TNKS1BP1: variants seen among roughly 807,000 people sequenced by gnomAD.
The protein encoded by TNKS1BP1 is CCR4-NOT transcription complex subunit 12.
Under a neutral mutation model 141.1 loss-of-function variants are expected in TNKS1BP1, and 48 were observed. That is an observed-to-expected ratio of 0.34 (90% CI 0.27 to 0.43). TNKS1BP1 has a LOEUF of 0.43. TNKS1BP1 is among the 20% of genes least tolerant of loss of function. The probability of loss-of-function intolerance (pLI) is 1.00; values close to 1 mark genes in which losing one functional copy is unlikely to be tolerated. For missense variants in TNKS1BP1, 2,149 were observed against 2,226.0 expected, an observed-to-expected ratio of 0.97 and a Z score of 0.70; for synonymous variants, 875 against 898.2, an observed-to-expected ratio of 0.97 and a Z score of 0.46.
chr11:57,322,827 C>A (rs1331278168), intron 1 of TNKS1BP1, among the ~76,000 whole-genome samples: 1 of 152,188 alleles, frequency 6.6e-6, no homozygotes, highest in East Asian at 1.9e-4. Context: ...GCAGCCACAG[C>A]CTATGTATGA....
In TNKS1BP1 at chr11:57,308,776, C is replaced by A. The variant is rs2134354700; in HGVS notation, c.3935G>T (p.Gly1312Val). The A allele has an allele frequency of 1.2e-6, 2 of 1,614,032 alleles. No individual in the cohort carries two copies. Among genetic ancestry groups the A allele is most frequent in the East Asian group, 4.5e-5 (2 of 44,886 alleles). The change falls in exon 6 of 12, where the codon GGT (glycine) becomes GTT (valine). Residue 1312 changes from glycine to valine, a missense_variant. Coordinates refer to ENST00000358252, the MANE Select transcript of TNKS1BP1 (RefSeq NM_033396.3). ...CAAATCCCTCAGGCCCAGATTGTTA[C>A]CCCAGTCCATCTGGCCCACCCCAAG... ...KELGVGQMDW[G>V]NNLGLRDLEV... is the part of the protein sequence containing the mutation.
intron 5 of TNKS1BP1, 71 bp downstream of exon 5, chr11:57,312,463 C>T (rs1416890710): frequency 1.4e-6 from 2 of 1,383,312 alleles, no homozygotes; most frequent in Non-Finnish European, 1.9e-6. Flanking sequence ...AATCCATGTT[C>T]AAAGAATGAA....
rs138859027 is a variant in TNKS1BP1, at chr11:57,310,264, C to G, written c.2447G>C (p.Gly816Ala). The G allele has an allele frequency of 1.7e-5, 27 of 1,614,104 alleles. No homozygotes were observed. In the African/African-American group the frequency reaches 3.5e-4, roughly 21 times the overall value. Residue 816 changes from glycine to alanine, a missense_variant, in exon 6 of 12, where the codon GGG becomes GCG. By Grantham distance (60) the Gly-to-Ala change is moderately conservative (BLOSUM62 0). Coordinates refer to ENST00000358252, the MANE Select transcript of TNKS1BP1 (RefSeq NM_033396.3). ...SQDQSKVSAP[G>A]VLTAQDRVVG... ...TACCCGGTCCTGGGCTGTGAGCACCCCTGGGGCAGACACTTTACTCTGGTC... is the reference window on the plus strand; with the variant it reads ...TACCCGGTCCTGGGCTGTGAGCACCGCTGGGGCAGACACTTTACTCTGGTC...
Position 57,313,411 on chromosome 11 carries a change from C to T in TNKS1BP1, c.1277G>A (p.Arg426His), listed in dbSNP as rs1245668361. 9 of 1,611,652 alleles carry T rather than the reference C, an allele frequency of 5.6e-6. No homozygotes were observed. The highest frequency in any genetic ancestry group is 2.2e-5 in the East Asian group (1 of 44,838). ...CTGGAGCACACCTTCAGAGAATCGG[C>T]GCTGAACCAGGCTGGTGGGGCGGAG... ...AHLRPTSLVQ[R>H]RFSEGVLQSP... is the part of the protein sequence containing the mutation. Residue 426 changes from arginine (R) to histidine (H), a missense_variant, in exon 5 of 12, where the codon CGC becomes CAC. Transcript: ENST00000358252.
At chr11:57,314,258 G>A (rs1165020908) in intron 4 of TNKS1BP1, among the ~76,000 whole-genome samples, 9 of 152,242 alleles carry the variant, frequency 5.9e-5, no homozygotes, top group Admixed American at 5.2e-4. Flanking sequence ...GGAACATTGT[G>A]AATCTGGCTC....
chr11:57,318,579 G>A (rs549081539), intron 3 of TNKS1BP1, among the ~76,000 whole-genome samples: 1 of 152,344 alleles, frequency 6.6e-6, no homozygotes, highest in Non-Finnish European at 1.5e-5. Flanking sequence ...GGAAGAGAAA[G>A]GGAGCCTCTG....
intron 4 of TNKS1BP1, 142 bp downstream of exon 4, chr11:57,317,676 C>T (rs975259567): frequency 1.6e-5 from 15 of 912,634 alleles, no homozygotes; most frequent in African/African-American, 3.3e-5. Flanking sequence ...CGAAAAATCC[C>T]AGGGCCAGCC....
chr11:57,302,721 G>A lies in TNKS1BP1; in HGVS notation c.4421C>T (p.Ala1474Val), dbSNP rs780201735. The change falls in exon 7 of 12, where the codon GCG becomes GTG. Residue 1474 changes from alanine to valine, a missense_variant. By Grantham distance (64) the Ala-to-Val change is moderately conservative. Transcript: ENST00000358252. This position sits in a 1 kb window ranked among gnomAD's most constrained non-coding sequence, Gnocchi z 5.5. ...SSKAVARRES[A>V]ASGLGGLLEE... is the part of the protein sequence containing the mutation. The stretch of plus-strand genomic sequence containing the variant: ...CAACAGGCCCCCAAGGCCCGAGGCC[G>A]CTGACTCCCTCCGAGCCACCGCCTT... The A allele has an allele frequency of 1.9e-5, 30 of 1,597,436 alleles. No individual in the cohort carries two copies. The highest frequency in any genetic ancestry group is 5.1e-5 in the Admixed American group (3 of 59,208).
At chr11:57,312,444 G>C (rs146492884) in intron 5 of TNKS1BP1, 90 bp downstream of exon 5, 777 of 1,346,120 alleles carry the variant, frequency 5.8e-4, no homozygotes, top group Non-Finnish European at 6.5e-4. Flanking sequence ...CCAAGCTCTC[G>C]ACATGTAAAA....
intron 9 of TNKS1BP1, 122 bp downstream of exon 9, chr11:57,301,685 G>T: frequency 7.4e-7 from 1 of 1,350,752 alleles, no homozygotes; most frequent in Non-Finnish European, 1.0e-6. Context: ...AGAGGAGAGT[G>T]AGAGGAGGAA....
Position 57,313,585 on chromosome 11 carries a change from C to T in TNKS1BP1, c.1103G>A (p.Ser368Asn), listed in dbSNP as rs1038777487. ...AEGAPEAPRP[S>N]SPPPEVLEPH... Reference sequence around the variant, plus strand: ...CTCCAAGACCTCAGGGGGTGGGCTGCTGGGTCTGGGGGCCTCTGGAGCCCC... The same window carrying T: ...CTCCAAGACCTCAGGGGGTGGGCTGTTGGGTCTGGGGGCCTCTGGAGCCCC... Residue 368 changes from serine to asparagine, a missense_variant, in exon 5 of 12, where the codon AGC (serine) becomes AAC (asparagine). By Grantham distance (46) the Ser-to-Asn change is conservative. Coordinates refer to ENST00000358252, the MANE Select transcript of TNKS1BP1 (RefSeq NM_033396.3). 5.0e-6 allele frequency: 8 copies of T among 1,592,246 alleles called. No individual in the cohort carries two copies. The highest frequency in any genetic ancestry group is 6.0e-6 in the Non-Finnish European group (7 of 1,170,984).
intron 11 of TNKS1BP1, among the ~76,000 whole-genome samples, 154 bp downstream of exon 11, chr11:57,300,374 G>C (rs1308677003): frequency 6.6e-6 from 1 of 152,166 alleles, no homozygotes; most frequent in East Asian, 1.9e-4. Flanking sequence ...AGAAGCCAAG[G>C]GCCTACCGAG....
Position 57,302,701 on chromosome 11 carries a change from G to A in TNKS1BP1, c.4441C>T (p.Leu1481=). 1 of 1,603,466 alleles carries A rather than the reference G, an allele frequency of 6.2e-7. No homozygotes were observed. The highest frequency in any genetic ancestry group is 8.5e-7 in the Non-Finnish European group (1 of 1,177,454). The change falls in exon 7 of 12, where the codon CTG becomes TTG. Residue 1481 remains leucine, a synonymous_variant. Transcript: ENST00000358252. This position sits in a 1 kb window ranked among gnomAD's most constrained non-coding sequence, Gnocchi z 5.5. ...GCCCCGGCTCCTTCCTCCTCCAACA[G>A]GCCCCCAAGGCCCGAGGCCGCTGAC... is the stretch of plus-strand genomic sequence containing the variant. ...RESAASGLGG[L]LEEEGAGAGA...
At chr11:57,322,080 G>C (rs933571803) in intron 1 of TNKS1BP1, 130 bp from the exon 2 acceptor site, 12 of 774,212 alleles carry the variant, frequency 1.5e-5, no homozygotes, top group Admixed American at 3.5e-5. Context: ...GTGGGGGGGG[G>C]GGGGTAGGAG....
At chr11:57,301,083 G>C (rs781436709) in intron 9 of TNKS1BP1, 42 bp from the exon 10 acceptor site, 2 of 1,552,202 alleles carry the variant, frequency 1.3e-6, no homozygotes, top group East Asian at 2.3e-5. Flanking sequence ...TAGAGGGACA[G>C]GCAGTAGGAC....
At chr11:57,303,152 C>T (rs1160723364) in intron 6 of TNKS1BP1, 4 of 283,974 alleles carry the variant, frequency 1.4e-5, no homozygotes, top group Admixed American at 5.1e-5. Context: ...CAGCACGCAC[C>T]GCAGAAGCAG....
intron 3 of TNKS1BP1, among the ~76,000 whole-genome samples, chr11:57,318,911 G>A (rs530910929): frequency 6.6e-5 from 10 of 152,178 alleles, no homozygotes; most frequent in East Asian, 1.9e-4. Flanking sequence ...TTGGGAGGCC[G>A]AGGCAGGCAG....
chr11:57,301,874 C>G lies in TNKS1BP1; in HGVS notation c.4904G>C (p.Arg1635Pro). The change falls in exon 9 of 12, where the codon CGG becomes CCG. Residue 1635 changes from arginine (R) to proline (P), a missense_variant. Physicochemically the swap from Arg to Pro is moderately radical, Grantham distance 103. Coordinates refer to ENST00000358252, the MANE Select transcript of TNKS1BP1 (RefSeq NM_033396.3). ...CAGCCCCTTGGTGCCCAACGACATCCGTGTCCGGCGGCTCTGAGGTTCCTC... is the reference window on the plus strand; with the variant it reads ...CAGCCCCTTGGTGCCCAACGACATCGGTGTCCGGCGGCTCTGAGGTTCCTC... ...VVEEPQSRRT[R>P]MSLGTKGLKV... The G allele has an allele frequency of 6.2e-7, 1 of 1,614,166 alleles. No individual in the cohort carries two copies.
At position 57,308,591 on chromosome 11, in the gene TNKS1BP1, G is replaced by A. The variant is rs1855650312; in HGVS notation, c.4120C>T (p.Pro1374Ser). 6.2e-7 allele frequency: 1 copy of A among 1,613,910 alleles called. No homozygotes were observed. The highest frequency in any genetic ancestry group is 1.7e-5 in the Admixed American group (1 of 59,996). ...CCATTGTGCCTCAGGCCGGGCTCTGGGCACTGGCTCACCCCGCCCACCCCA... is the reference window on the plus strand; with the variant it reads ...CCATTGTGCCTCAGGCCGGGCTCTGAGCACTGGCTCACCCCGCCCACCCCA... ...EHGVGGVSQC[P>S]EPGLRHNGSL... The change falls in exon 6 of 12, where the codon CCA becomes TCA. Residue 1374 changes from proline to serine, a missense_variant. Physicochemically the swap from Pro to Ser is moderately conservative, Grantham distance 74 (BLOSUM62 -1). Transcript: ENST00000358252.
Sources: allele counts gnomAD v4.1 joint callset (sites outside exome capture counted in the v4.1 genomes callset), GRCh38; gene constraint gnomAD v4.1.1; non-coding constraint Gnocchi (gnomAD v3.1); transcripts MANE v1.5; gene names NCBI Gene and HGNC (gene_info 2026-07-23, HGNC 2026-07-21).